Variants in BAIAP2L1 observed in about 807,000 individuals in gnomAD.
The protein encoded by BAIAP2L1 is BAR/IMD domain containing adaptor protein 2 like 1.
In BAIAP2L1, 35 loss-of-function variants were observed where a neutral mutation model predicts 66.3. The observed-to-expected ratio is 0.53, with a 90% CI of 0.40 to 0.70. The LOEUF is 0.70. Among genes scored for constraint, BAIAP2L1 ranks in the 30% least tolerant of loss-of-function variants. BAIAP2L1 has a pLI of 0.00. For missense variants in BAIAP2L1, 622 were observed against 656.9 expected (o/e 0.95, Z 0.58); for synonymous variants, 269 against 248.7 (o/e 1.08, Z -0.77).
intron 3 of BAIAP2L1, among the ~76,000 whole-genome samples, chr7:98,336,972 TC>T (rs1285507748): frequency 1.3e-5 from 2 of 152,236 alleles, no homozygotes; most frequent in Non-Finnish European, 2.9e-5. Context: ...GCTTCCATTT[TC>T]TTGTCCATAA....
At chr7:98,364,029 T>A (rs1025530684) in intron 1 of BAIAP2L1, among the ~76,000 whole-genome samples, 27 of 151,892 alleles carry the variant, frequency 1.8e-4, no homozygotes, top group African/African-American at 4.4e-4. Flanking sequence ...TTTTTTTTTT[T>A]AAATATTCTT....
At chr7:98,334,016 C>T (rs940042236) in intron 3 of BAIAP2L1, among the ~76,000 whole-genome samples, 1 of 152,134 alleles carries the variant, frequency 6.6e-6, no homozygotes, top group African/African-American at 2.4e-5. Context: ...ATTTAAAAAA[C>T]ACATAAAGTA....
intron 3 of BAIAP2L1, among the ~76,000 whole-genome samples, chr7:98,347,805 C>T (rs1232436536): frequency 6.6e-6 from 1 of 151,902 alleles, no homozygotes; most frequent in Non-Finnish European, 1.5e-5. Flanking sequence ...AGAAAAAGAG[C>T]AGCCATAAGA....
At chr7:98,337,011 G>A (rs909294044) in intron 3 of BAIAP2L1, among the ~76,000 whole-genome samples, 23 of 152,104 alleles carry the variant, frequency 1.5e-4, no homozygotes, top group African/African-American at 5.6e-4. Context: ...TTACCTGAGA[G>A]GACTGCTGTG....
chr7:98,351,314 C>T (rs976292986), intron 3 of BAIAP2L1, among the ~76,000 whole-genome samples: 2 of 152,234 alleles, frequency 1.3e-5, no homozygotes, highest in Non-Finnish European at 2.9e-5. Flanking sequence ...TGCCCTTTCA[C>T]TGAAAGTTGT....
chr7:98,390,331 G>C (rs780071481), intron 1 of BAIAP2L1, among the ~76,000 whole-genome samples: 28 of 152,140 alleles, frequency 1.8e-4, no homozygotes, highest in Non-Finnish European at 3.5e-4. Context: ...GTAGGAGATG[G>C]CGAATTTTAG....
chr7:98,293,435 C>G lies in BAIAP2L1; in HGVS notation c.*86G>C. The G allele has an allele frequency of 7.7e-7, 1 of 1,296,064 alleles. No homozygotes were observed. 80.3% of individuals were successfully genotyped at this position (1,296,064 alleles called of 1,614,324 possible). ...GTTAGGCCTCTCCACTGAAGCTTCC[C>G]GACCGTCAGCACGTGGCAGACAGGA... On this transcript the variant is annotated 3_prime_UTR_variant, in exon 14 of 14. Transcript: ENST00000005260.
chr7:98,393,511 T>A (rs1803121843), intron 1 of BAIAP2L1, among the ~76,000 whole-genome samples: 1 of 152,058 alleles, frequency 6.6e-6, no homozygotes, highest in Admixed American at 6.6e-5. Context: ...TATTTATTTT[T>A]TTTTGAGACG....
intron 3 of BAIAP2L1, among the ~76,000 whole-genome samples, chr7:98,333,017 A>G (rs1376605183): frequency 6.6e-6 from 1 of 151,916 alleles, no homozygotes; most frequent in African/African-American, 2.4e-5. Context: ...CAAGCCCACT[A>G]AAGCCTCAGG....
At position 98,400,858 on chromosome 7, in the gene BAIAP2L1, C is replaced by T. The variant is rs1803353868; in HGVS notation, c.-6G>A. The T allele has an allele frequency of 2.6e-6, 4 of 1,538,438 alleles. No homozygotes were observed. Among genetic ancestry groups the T allele is most frequent in the Non-Finnish European group, 2.6e-6 (3 of 1,141,490 alleles). On this transcript the variant is annotated 5_prime_UTR_variant, in exon 1 of 14. Transcript: ENST00000005260. ...TCCTCGGGCCCCCGGGACATGGCTG[C>T]GGCCGCCGGGCGAGCAAGCGCGGGA... is the stretch of plus-strand genomic sequence containing the variant.
intron 2 of BAIAP2L1, among the ~76,000 whole-genome samples, chr7:98,360,433 A>G (rs999313973): frequency 6.6e-6 from 1 of 152,044 alleles, no homozygotes; most frequent in Non-Finnish European, 1.5e-5. Flanking sequence ...ATTTACCTAC[A>G]TTTCTCAATG....
intron 1 of BAIAP2L1, among the ~76,000 whole-genome samples, chr7:98,370,651 G>A (rs1437386814): frequency 2.0e-5 from 3 of 151,740 alleles, no homozygotes; most frequent in East Asian, 3.9e-4. Context: ...ACAGGCGCCC[G>A]CCACCATGCC....
chr7:98,292,679 G>A lies in BAIAP2L1; in HGVS notation c.*842C>T, dbSNP rs1170913384. On this transcript the variant is annotated 3_prime_UTR_variant, in exon 14 of 14. Transcript: ENST00000005260. ...CTGGCTTTACACGTATCCTTTGAGA[G>A]TCTGTACCTGATTCAAACACGGAGA... is the stretch of plus-strand genomic sequence containing the variant. The A allele has an allele frequency of 1.3e-6, 2 of 1,551,640 alleles. No homozygotes were observed. Among genetic ancestry groups the A allele is most frequent in the African/African-American group, 1.4e-5 (1 of 73,118 alleles).
At chr7:98,354,538 C>T (rs775309655) in intron 3 of BAIAP2L1, among the ~76,000 whole-genome samples, 6 of 152,190 alleles carry the variant, frequency 3.9e-5, no homozygotes, top group African/African-American at 9.7e-5. Flanking sequence ...CCCTCGGCAG[C>T]GGGCACTGCC....
chr7:98,330,343 G>A (rs943039884), intron 3 of BAIAP2L1, among the ~76,000 whole-genome samples: 2 of 152,202 alleles, frequency 1.3e-5, no homozygotes, highest in African/African-American at 4.8e-5. Context: ...AAGAACACCC[G>A]AGACTGGGTA....
chr7:98,394,706 T>C (rs1305354879), intron 1 of BAIAP2L1, among the ~76,000 whole-genome samples: 1 of 152,182 alleles, frequency 6.6e-6, no homozygotes, highest in Non-Finnish European at 1.5e-5. Flanking sequence ...GAATGTCTAA[T>C]ACTCAGCCAG....
At chr7:98,322,686 C>CA (rs1385429732) in intron 3 of BAIAP2L1, among the ~76,000 whole-genome samples, 4 of 152,180 alleles carry the variant, frequency 2.6e-5, no homozygotes, top group Admixed American at 2.0e-4. Flanking sequence ...CACGTCCCAC[C>CA]ACGTGGGCTT....
At chr7:98,399,045 G>A (rs920237316) in intron 1 of BAIAP2L1, among the ~76,000 whole-genome samples, 2 of 152,156 alleles carry the variant, frequency 1.3e-5, no homozygotes, top group Admixed American at 6.6e-5. Context: ...TCTGAGTCTG[G>A]CAGAAAGAAC....
intron 3 of BAIAP2L1, among the ~76,000 whole-genome samples, chr7:98,321,346 T>C (rs1392054543): frequency 6.6e-6 from 1 of 152,186 alleles, no homozygotes; most frequent in Non-Finnish European, 1.5e-5. Context: ...AGATAAAGGC[T>C]ATTTCTTTTT....
Sources: gnomAD v4.1 joint callset for allele counts (sites outside exome capture counted in the v4.1 genomes callset) on GRCh38, gnomAD v4.1.1 for gene constraint, MANE v1.5 for transcripts, NCBI Gene and HGNC (gene_info 2026-07-23, HGNC 2026-07-21) for gene names.